Variants in CCSER2 observed in about 807,000 individuals in gnomAD.
CCSER2 encodes the protein coiled-coil serine rich protein 2.
CCSER2 carries 46 observed loss-of-function variants against 92.3 expected under a neutral mutation model. The observed-to-expected ratio is 0.50, with a 90% CI of 0.39 to 0.64. The LOEUF is 0.64. Among genes scored for constraint, CCSER2 ranks in the 30% least tolerant of loss-of-function variants. The pLI is 0.00. For synonymous variants in CCSER2, 433 were observed against 431.4 expected, an observed-to-expected ratio of 1.00 and a Z score of -0.04; for missense variants, 1,244 against 1,238.9, an observed-to-expected ratio of 1.00 and a Z score of -0.06.
At position 84,452,700 on chromosome 10, in the gene CCSER2, A is replaced by G. The variant is rs574606141; in HGVS notation, c.2065-11233A>G. Among the ~76,000 whole-genome samples, 5 of 152,322 alleles carry G rather than the reference A, an allele frequency of 3.3e-5. No individual in the cohort carries two copies. The South Asian group carries it at 1.0e-3, about 32-fold the overall frequency. ...TATGTTTATGCAAAACACTTGGAAC[A>G]GTACCCAGCACTGGTCAATAAATGT... is the stretch of plus-strand genomic sequence containing the variant. On this transcript the variant is annotated intron_variant, in intron 6 of 9. Transcript: ENST00000372088.
At chr10:84,429,786 C>A (rs571755809) in intron 5 of CCSER2, among the ~76,000 whole-genome samples, 1 of 151,464 alleles carries the variant, frequency 6.6e-6, no homozygotes, top group South Asian at 2.1e-4. Flanking sequence ...TCATTAGTTA[C>A]GTTCTTTCTG....
chr10:84,507,742 C>T (rs1433905427), intron 9 of CCSER2, among the ~76,000 whole-genome samples: 3 of 152,232 alleles, frequency 2.0e-5, no homozygotes, highest in South Asian at 2.1e-4. Flanking sequence ...TTTGAAGTGT[C>T]GTAAAACAGT....
chr10:84,486,616 T>G (rs1424537227), intron 9 of CCSER2, among the ~76,000 whole-genome samples: 2 of 152,256 alleles, frequency 1.3e-5, no homozygotes, highest in African/African-American at 4.8e-5. Context: ...TAAATTTGTT[T>G]GAGTTCTTTG....
intron 1 of CCSER2, among the ~76,000 whole-genome samples, chr10:84,363,150 T>TA (rs1845599842): frequency 6.8e-6 from 1 of 147,004 alleles, no homozygotes; most frequent in Non-Finnish European, 1.5e-5. Context: ...CCCAGCTATT[T>TA]TTTTTTTTTT....
chr10:84,354,662 A>G (rs1357719536), intron 1 of CCSER2, among the ~76,000 whole-genome samples: 1 of 150,224 alleles, frequency 6.7e-6, no homozygotes, highest in African/African-American at 2.5e-5. Context: ...TTGGTGGGAA[A>G]TTTGACCATC....
At chr10:84,360,540 A>G (rs1408155683) in intron 1 of CCSER2, among the ~76,000 whole-genome samples, 1 of 152,220 alleles carries the variant, frequency 6.6e-6, no homozygotes, top group African/African-American at 2.4e-5. Context: ...TAACTTACAT[A>G]CAATAAAATA....
intron 1 of CCSER2, among the ~76,000 whole-genome samples, chr10:84,362,770 C>T (rs777146513): frequency 2.0e-5 from 3 of 151,990 alleles, no homozygotes; most frequent in Admixed American, 6.6e-5. Flanking sequence ...CATTTTAAAC[C>T]TTTACTTTGG....
chr10:84,415,032 G>A lies in CCSER2; in HGVS notation c.1615-2739G>A, dbSNP rs1050622689. ...TGTTCCTCTCTCAACCAGCTATTTTGACTATCAGCTCCTGTGTTGTTTTAT... is the reference window on the plus strand; with the variant it reads ...TGTTCCTCTCTCAACCAGCTATTTTAACTATCAGCTCCTGTGTTGTTTTAT... On this transcript the variant is annotated intron_variant, in intron 3 of 9. Transcript: ENST00000372088. 2.0e-5 allele frequency among the ~76,000 whole-genome samples: 3 copies of A among 152,066 alleles called. No individual in the cohort carries two copies. In the South Asian group the frequency reaches 6.2e-4, roughly 31 times the overall value.
rs141964902 is a variant in CCSER2, at chr10:84,427,381, G to T, written c.1868+1488G>T. Among the ~76,000 whole-genome samples, 589 of 152,262 alleles carry T rather than the reference G, an allele frequency of 3.9e-3. 2 individuals are homozygous for T. The highest frequency in any genetic ancestry group is 6.8e-3 in the Middle Eastern group (2 of 294). ...TACAAAAAGAAACCTCCTCTAAGAC[G>T]AGCCTTACCCCAGCATACCTTAAAA... On this transcript the variant is annotated intron_variant, in intron 5 of 9. Coordinates refer to ENST00000372088, the MANE Select transcript of CCSER2 (RefSeq NM_001284240.2).
chr10:84,426,023 A>G (rs1843417535), intron 5 of CCSER2, 130 bp downstream of exon 5: 2 of 504,932 alleles, frequency 4.0e-6, no homozygotes, highest in Middle Eastern at 5.2e-4. Flanking sequence ...AAGCACTTCA[A>G]GTTTTATGTG....
intron 3 of CCSER2, among the ~76,000 whole-genome samples, chr10:84,398,523 ATATTT>A (rs1841958547): frequency 6.6e-6 from 1 of 152,156 alleles, no homozygotes; most frequent in African/African-American, 2.4e-5. Flanking sequence ...AAATGAAACA[ATATTT>A]GTTTGTGCCT....
At chr10:84,345,789 CT>C (rs1306444617) in intron 1 of CCSER2, among the ~76,000 whole-genome samples, 1 of 152,076 alleles carries the variant, frequency 6.6e-6, no homozygotes, top group Non-Finnish European at 1.5e-5. Flanking sequence ...AGATATTTTA[CT>C]TTTTATTAAT....
chr10:84,433,028 T>G (rs955329358), intron 5 of CCSER2, among the ~76,000 whole-genome samples: 1 of 152,224 alleles, frequency 6.6e-6, no homozygotes, highest in African/African-American at 2.4e-5. Context: ...TGTGTATATG[T>G]GGGTCTATTT....
intron 3 of CCSER2, among the ~76,000 whole-genome samples, chr10:84,414,389 T>C (rs75473808): frequency 0.12 from 18,909 of 152,226 alleles, 1,469 homozygotes; most frequent in Admixed American, 0.23. Flanking sequence ...AAGGATCTTA[T>C]TTCTCCTTTG....
intron 3 of CCSER2, among the ~76,000 whole-genome samples, chr10:84,397,423 A>G (rs1477947573): frequency 6.6e-6 from 1 of 152,220 alleles, no homozygotes; most frequent in East Asian, 1.9e-4. Context: ...TGATGGATGC[A>G]CTGTAACTTG....
Position 84,438,655 on chromosome 10 carries a change from A to G in CCSER2, c.2012A>G (p.Asp671Gly). The change falls in exon 6 of 10, where the codon GAT becomes GGT. Residue 671 changes from aspartate (D) to glycine (G), a missense_variant. Physicochemically the swap from Asp to Gly is moderately conservative, Grantham distance 94. Coordinates refer to ENST00000372088, the MANE Select transcript of CCSER2 (RefSeq NM_001284240.2). ...ATGACCCTTCGGCACATGGTTCAGG[A>G]TTGCACTGCTGTAAAAACTCAGTTA... ...DEMTLRHMVQDCTAVKTQLLK... is the reference protein window; with the variant it reads ...DEMTLRHMVQGCTAVKTQLLK... 6.2e-7 allele frequency: 1 copy of G among 1,613,432 alleles called. No individual in the cohort carries two copies. Among genetic ancestry groups the G allele is most frequent in the Non-Finnish European group, 8.5e-7 (1 of 1,179,690 alleles).
intron 3 of CCSER2, among the ~76,000 whole-genome samples, chr10:84,399,964 T>G (rs576579357): frequency 1.8e-4 from 28 of 152,270 alleles, no homozygotes; most frequent in South Asian, 1.2e-3. Flanking sequence ...GGTATTTTAT[T>G]GTGGTTTTGA....
At chr10:84,393,054 A>C (rs529541046) in intron 3 of CCSER2, among the ~76,000 whole-genome samples, 1 of 152,128 alleles carries the variant, frequency 6.6e-6, no homozygotes, top group Non-Finnish European at 1.5e-5. Flanking sequence ...CAGTTTACCA[A>C]TTTAGTGTAG....
intron 6 of CCSER2, among the ~76,000 whole-genome samples, chr10:84,449,201 C>T (rs565261114): frequency 8.5e-5 from 13 of 152,106 alleles, no homozygotes; most frequent in African/African-American, 3.1e-4. Flanking sequence ...ATGGCGAAAC[C>T]CCATTTCTAC....
Sources: allele counts gnomAD v4.1 joint callset (sites outside exome capture counted in the v4.1 genomes callset), GRCh38; gene constraint gnomAD v4.1.1; transcripts MANE v1.5; gene names NCBI Gene and HGNC (gene_info 2026-07-23, HGNC 2026-07-21).